Variants in MREG observed in about 807,000 individuals in gnomAD.
MREG encodes dilute suppressor protein homolog.
Under a neutral mutation model 28.5 loss-of-function variants are expected in MREG, and 31 were observed. That is an observed-to-expected ratio of 1.09 (90% CI 0.82 to 1.47). MREG has a LOEUF of 1.47. Among genes scored for constraint, MREG ranks in the 40% most tolerant of loss-of-function variants. The pLI is 0.00. For missense variants in MREG, 256 were observed against 257.4 expected (o/e 0.99, Z 0.04); for synonymous variants, 106 against 95.2 (o/e 1.11, Z -0.66).
chr2:216,011,580 T>A (rs1337215738), intron 1 of MREG, among the ~76,000 whole-genome samples: 1 of 152,238 alleles, frequency 6.6e-6, no homozygotes, highest in African/African-American at 2.4e-5. Flanking sequence ...GTTACCTAGT[T>A]GGGTGAGCAG....
chr2:215,969,217 A>G (rs1228531079), intron 2 of MREG, among the ~76,000 whole-genome samples: 1 of 152,176 alleles, frequency 6.6e-6, no homozygotes. Flanking sequence ...TTCTACCCCT[A>G]TGTCATTCAC....
intron 1 of MREG, among the ~76,000 whole-genome samples, chr2:216,011,223 T>C (rs949017534): frequency 6.6e-6 from 1 of 152,170 alleles, no homozygotes; most frequent in African/African-American, 2.4e-5. Context: ...AATCTTCAGA[T>C]GCCTTGTATA....
chr2:215,939,427 A>G (rs1178514711), downstream of MREG: 1 of 152,216 alleles, frequency 6.6e-6, no homozygotes, highest in African/African-American at 2.4e-5. Flanking sequence ...CAGAAATTCT[A>G]CCTTTGCTTC....
chr2:215,949,486 G>T (rs1178712607), intron 2 of MREG, among the ~76,000 whole-genome samples: 2 of 151,162 alleles, frequency 1.3e-5, no homozygotes, highest in African/African-American at 4.9e-5. Flanking sequence ...GCTTGAACCC[G>T]GGAGGCAGAG....
At chr2:216,024,916 G>GA (rs1031999856) in intron 1 of MREG, among the ~76,000 whole-genome samples, 31 of 119,692 alleles carry the variant, frequency 2.6e-4, no homozygotes, top group African/African-American at 3.1e-4. Context: ...GAAGGGAAAG[G>GA]AAAAAAAAAA....
In MREG at chr2:216,006,235, C is replaced by T. The variant is rs111832601; in HGVS notation, c.95+6998G>A. 3.7e-3 allele frequency among the ~76,000 whole-genome samples: 565 copies of T among 152,316 alleles called. 3 individuals carry two copies. Among genetic ancestry groups the T allele is most frequent in the African/African-American group, 0.012 (499 of 41,556 alleles). On this transcript the variant is annotated intron_variant, in intron 1 of 4. Coordinates refer to ENST00000263268, the MANE Select transcript of MREG (RefSeq NM_018000.3). ...GCAAGTCACAAAAAGAGAAGAGGGA[C>T]GCTGTGGCTTGCCGGGGAAGAAAAC...
At chr2:216,005,977 T>C (rs952137719) in intron 1 of MREG, among the ~76,000 whole-genome samples, 5 of 152,092 alleles carry the variant, frequency 3.3e-5, no homozygotes, top group African/African-American at 9.7e-5. Flanking sequence ...GCATGGTATA[T>C]AACTGTCACA....
chr2:216,027,349 C>T (rs1254031541), intron 1 of MREG, among the ~76,000 whole-genome samples: 7 of 152,260 alleles, frequency 4.6e-5, no homozygotes, highest in Admixed American at 3.3e-4. Context: ...CAGTAGAGTT[C>T]GAAGCTCTCT....
chr2:215,945,717 C>A lies in MREG; in HGVS notation c.364G>T (p.Asp122Tyr). The change falls in exon 4 of 5, where the codon GAC (aspartate) becomes TAC (tyrosine). Residue 122 changes from aspartate to tyrosine, a missense_variant. Physicochemically the swap from Asp to Tyr is radical, Grantham distance 160. Transcript: ENST00000263268. ...AGTTTAGTCACTGACAACAAAGAGT[C>A]AGCTTCCTTTTGAAAACCTAAGGTA... ...LEDLGFQKEA[D>Y]SLLSVTKLST... The A allele has an allele frequency of 6.2e-7, 1 of 1,613,054 alleles. No homozygotes were observed. The highest frequency in any genetic ancestry group is 8.5e-7 in the Non-Finnish European group (1 of 1,179,608).
intron 1 of MREG, among the ~76,000 whole-genome samples, chr2:216,022,847 T>A (rs1694545511): frequency 6.6e-6 from 1 of 152,228 alleles, no homozygotes; most frequent in East Asian, 1.9e-4. Context: ...AAGCACTTGC[T>A]ATATGCAAGG....
At chr2:216,028,087 AC>A (rs1167526449) in intron 1 of MREG, among the ~76,000 whole-genome samples, 24 of 152,214 alleles carry the variant, frequency 1.6e-4, no homozygotes, top group African/African-American at 5.5e-4. Flanking sequence ...AAGAGTTTGG[AC>A]TTCTACACTA....
At chr2:215,962,282 G>T (rs1692811995) in intron 2 of MREG, among the ~76,000 whole-genome samples, 1 of 152,172 alleles carries the variant, frequency 6.6e-6, no homozygotes, top group Non-Finnish European at 1.5e-5. Context: ...CCACAGGAAG[G>T]TGCCACTAAG....
intron 1 of MREG, among the ~76,000 whole-genome samples, chr2:216,023,007 C>T (rs1694548607): frequency 1.3e-5 from 2 of 152,136 alleles, no homozygotes; most frequent in East Asian, 1.9e-4. Context: ...TAAAGATAAC[C>T]GAATTTATGC....
At position 215,945,594 on chromosome 2, in the gene MREG, A is replaced by T; in HGVS notation, c.487T>A (p.Ser163Thr). 1 of 1,613,912 alleles carries T rather than the reference A, an allele frequency of 6.2e-7. No individual in the cohort carries two copies. Among genetic ancestry groups the T allele is most frequent in the Non-Finnish European group, 8.5e-7 (1 of 1,179,822 alleles). The change falls in exon 4 of 5, where the codon TCA becomes ACA. Residue 163 changes from serine (S) to threonine (T), a missense_variant. Ser to Thr is a moderately conservative substitution (Grantham distance 58). Coordinates refer to ENST00000263268, the MANE Select transcript of MREG (RefSeq NM_018000.3). ...TNIFPTSWEL[S>T]ERYLFVVDRL... Reference sequence around the variant, plus strand: ...ACCACAACAAAGAGATATCTCTCTGAGAGCTCCCAACTTGTTGGGAAAATA... The same window carrying T: ...ACCACAACAAAGAGATATCTCTCTGTGAGCTCCCAACTTGTTGGGAAAATA...
rs574730655 is a variant in MREG, at chr2:215,949,479, T to C, written c.256-2366A>G. On this transcript the variant is annotated intron_variant, in intron 2 of 4. Transcript: ENST00000263268. The stretch of plus-strand genomic sequence containing the variant: ...AGGAGGCTGAGGCAGGAGAATTGCT[T>C]GAACCCGGGAGGCAGAGGTTGCAGT... 2.4e-3 allele frequency among the ~76,000 whole-genome samples: 364 copies of C among 151,454 alleles called. 3 individuals are homozygous for C. Among genetic ancestry groups the C allele is most frequent in the African/African-American group, 8.4e-3 (347 of 41,204 alleles).
At chr2:215,942,448 T>G (rs761327454), downstream of MREG, among the ~76,000 whole-genome samples, 3 of 152,190 alleles carry the variant, frequency 2.0e-5, no homozygotes, top group Non-Finnish European at 2.9e-5. Context: ...AACACACATC[T>G]AATCCTTGAC....
chr2:215,954,602 G>A (rs190444200), intron 2 of MREG, among the ~76,000 whole-genome samples: 17 of 151,930 alleles, frequency 1.1e-4, no homozygotes, highest in Non-Finnish European at 2.1e-4. Context: ...TAAGTGCATC[G>A]AATTCCAAAG....
At chr2:216,012,225 C>A (rs1176558119) in intron 1 of MREG, among the ~76,000 whole-genome samples, 1 of 152,004 alleles carries the variant, frequency 6.6e-6, no homozygotes, top group Non-Finnish European at 1.5e-5. Flanking sequence ...AGGGTTGGAG[C>A]CAATGAGTGG....
At position 215,947,091 on chromosome 2, in the gene MREG, T is replaced by G. The variant is rs1692344269; in HGVS notation, c.278A>C (p.Asp93Ala). Residue 93 changes from aspartate to alanine, a missense_variant, in exon 3 of 5, where the codon GAT becomes GCT. Physicochemically the swap from Asp to Ala is moderately radical, Grantham distance 126. Transcript: ENST00000263268. ...TCGAACCTGCCGCAGGGTATGGATA[T>G]CATAGTTGAGCTTCTGCCACTCCTG... ...DSEEWQKLNY[D>A]IHTLRQVRRE... 6.2e-7 allele frequency: 1 copy of G among 1,612,804 alleles called. No individual in the cohort carries two copies. The highest frequency in any genetic ancestry group is 1.3e-5 in the African/African-American group (1 of 75,048).
Sources: allele counts gnomAD v4.1 joint callset (sites outside exome capture counted in the v4.1 genomes callset), GRCh38; gene constraint gnomAD v4.1.1; transcripts MANE v1.5; gene names NCBI Gene and HGNC (gene_info 2026-07-23, HGNC 2026-07-21).